The following NAALADL2 variants were observed in gnomAD, a reference collection of about 807,000 sequenced individuals.
NAALADL2 encodes inactive N-acetylated-alpha-linked acidic dipeptidase-like protein 2.
NAALADL2 carries 76 observed loss-of-function variants against 87.2 expected under a neutral mutation model. The observed-to-expected ratio is 0.87, with a 90% CI of 0.72 to 1.05. The LOEUF (loss-of-function observed/expected upper bound fraction) is 1.05, where lower values mean the gene tolerates loss of function less well. Ranked by LOEUF, NAALADL2 falls within the 50% of genes least tolerant of loss-of-function variation. The probability of loss-of-function intolerance (pLI) is 0.00; values close to 1 mark genes in which losing one functional copy is unlikely to be tolerated. For synonymous variants in NAALADL2, 354 were observed against 331.0 expected, an observed-to-expected ratio of 1.07 and a Z score of -0.75; for missense variants, 1,089 against 945.8, an observed-to-expected ratio of 1.15 and a Z score of -1.99.
intron 2 of NAALADL2, among the ~76,000 whole-genome samples, chr3:175,111,085 A>T (rs899336310): frequency 1.3e-5 from 2 of 151,726 alleles, no homozygotes; most frequent in African/African-American, 4.8e-5. Flanking sequence ...ACAACAGTGC[A>T]GTTGAGAAAT....
At chr3:174,797,991 C>T (rs1182949957) in intron 3 of NAALADL2, among the ~76,000 whole-genome samples, 1 of 151,234 alleles carries the variant, frequency 6.6e-6, no homozygotes, top group Non-Finnish European at 1.5e-5. Context: ...AGTTTTAGCT[C>T]TTACATTTAT....
At chr3:174,558,573 A>G (rs551287020) in intron 2 of NAALADL2, among the ~76,000 whole-genome samples, 3 of 152,164 alleles carry the variant, frequency 2.0e-5, no homozygotes, top group African/African-American at 7.2e-5. Context: ...TCACATGTGC[A>G]GTTCACAATA....
intron 1 of NAALADL2, among the ~76,000 whole-genome samples, chr3:174,936,037 A>G (rs1392602350): frequency 6.6e-6 from 1 of 152,110 alleles, no homozygotes. Flanking sequence ...ACAGAATGTT[A>G]TTGTAATTAA....
Position 174,878,425 on chromosome 3 carries a change from T to A in NAALADL2, c.43+18975T>A, listed in dbSNP as rs529801287. The stretch of plus-strand genomic sequence containing the variant: ...TATGGCCTAGCCAACTAGAACTACT[T>A]AAAACTGCGTGAGCAACTATGTTGC... On this transcript the variant is annotated intron_variant, in intron 1 of 13. Transcript: ENST00000454872. 6.6e-5 allele frequency among the ~76,000 whole-genome samples: 10 copies of A among 152,214 alleles called. No individual in the cohort carries two copies. The East Asian group carries it at 1.9e-3, about 29-fold the overall frequency.
At chr3:174,939,319 G>T (rs183717612) in intron 1 of NAALADL2, among the ~76,000 whole-genome samples, 1 of 151,992 alleles carries the variant, frequency 6.6e-6, no homozygotes, top group Admixed American at 6.6e-5. Flanking sequence ...GTGGTCATAG[G>T]TATGTGGCCT....
intron 3 of NAALADL2, among the ~76,000 whole-genome samples, chr3:174,852,092 A>T (rs1418661917): frequency 2.0e-5 from 3 of 152,096 alleles, no homozygotes; most frequent in Non-Finnish European, 4.4e-5. Flanking sequence ...ACTACCTTAC[A>T]AAACAGAACC....
intron 5 of NAALADL2, among the ~76,000 whole-genome samples, chr3:175,410,970 C>T (rs144553293): frequency 6.6e-6 from 1 of 152,136 alleles, no homozygotes; most frequent in African/African-American, 2.4e-5. Context: ...AATGTTATAG[C>T]GATCATATTT....
chr3:175,347,177 A>G (rs535833407), intron 5 of NAALADL2, among the ~76,000 whole-genome samples: 143 of 152,280 alleles, frequency 9.4e-4, no homozygotes, highest in African/African-American at 3.4e-3. Flanking sequence ...CTCAGCATTA[A>G]TTTTCAGTTT....
upstream of NAALADL2, among the ~76,000 whole-genome samples, chr3:174,857,673 G>GTATA (rs144829365): frequency 1.9e-3 from 282 of 151,620 alleles, no homozygotes; most frequent in African/African-American, 6.5e-3. Flanking sequence ...AGCATGGTGT[G>GTATA]TATATATATA....
At chr3:175,206,665 C>T (rs1194062482) in intron 2 of NAALADL2, among the ~76,000 whole-genome samples, 1 of 151,958 alleles carries the variant, frequency 6.6e-6, no homozygotes, top group African/African-American at 2.4e-5. Flanking sequence ...AAAGAACTTA[C>T]TCATGTAACC....
intron 5 of NAALADL2, among the ~76,000 whole-genome samples, chr3:175,427,740 C>A (rs1717058212): frequency 6.6e-6 from 1 of 152,054 alleles, no homozygotes; most frequent in African/African-American, 2.4e-5. Flanking sequence ...TTCCAATAGG[C>A]ATATTTTTAA....
rs146631117 is a variant in NAALADL2, at chr3:174,924,857, A to C, written c.43+65407A>C. 5.7e-3 allele frequency among the ~76,000 whole-genome samples: 872 copies of C among 152,312 alleles called. 63 individuals carry two copies. The East Asian group carries it at 0.14, about 24-fold the overall frequency. On this transcript the variant is annotated intron_variant, in intron 1 of 13. Coordinates refer to ENST00000454872, the MANE Select transcript of NAALADL2 (RefSeq NM_207015.3). The stretch of plus-strand genomic sequence containing the variant: ...AAGAGTCTGTTGGTCTGTTGGCTGC[A>C]CAAATGCCTTCTTTTGAGAAGTGTC...
chr3:175,067,528 A>G (rs971781507), intron 1 of NAALADL2, among the ~76,000 whole-genome samples: 2 of 152,192 alleles, frequency 1.3e-5, no homozygotes, highest in Non-Finnish European at 2.9e-5. Context: ...AATGTAAAAT[A>G]AAACCACAAT....
Position 175,218,053 on chromosome 3 carries a change from T to G in NAALADL2, c.546-15878T>G, listed in dbSNP as rs924197084. ...GAAAGTATTGCAGTGAATTTCAATG[T>G]TTTTTTTTGGCTAAATTTTTAGGAT... On this transcript the variant is annotated intron_variant, in intron 2 of 13. Coordinates refer to ENST00000454872, the MANE Select transcript of NAALADL2 (RefSeq NM_207015.3). 1.5e-4 allele frequency: 56 copies of G among 384,720 alleles called. 1 individual carries two copies. The highest frequency in any genetic ancestry group is 2.7e-4 in the South Asian group (14 of 51,586). The allele number at this position is 384,720 out of a possible 1,614,324, so 23.8% of individuals were successfully genotyped here.
chr3:174,470,206 T>A (rs1217215919), intron 1 of NAALADL2, among the ~76,000 whole-genome samples: 1 of 152,158 alleles, frequency 6.6e-6, no homozygotes, highest in African/African-American at 2.4e-5. Context: ...TGGTGTGAGA[T>A]GGTATCTCAT....
intron 1 of NAALADL2, among the ~76,000 whole-genome samples, chr3:174,521,194 A>T (rs1184088093): frequency 1.3e-5 from 2 of 152,192 alleles, no homozygotes; most frequent in African/African-American, 4.8e-5. Flanking sequence ...AAAAAAAGAC[A>T]CATGCTCTTG....
chr3:175,390,099 G>T (rs1768894288), intron 5 of NAALADL2, among the ~76,000 whole-genome samples: 1 of 151,812 alleles, frequency 6.6e-6, no homozygotes, highest in South Asian at 2.1e-4. Context: ...AAGAGCCAAG[G>T]TAATAAAAAT....
chr3:175,384,813 T>G (rs1768179047), intron 5 of NAALADL2, among the ~76,000 whole-genome samples: 1 of 151,790 alleles, frequency 6.6e-6, no homozygotes, highest in Non-Finnish European at 1.5e-5. Flanking sequence ...TTTTATTTTA[T>G]TACCAGTTTT....
At chr3:175,706,404 A>G (rs1419814812) in intron 11 of NAALADL2, among the ~76,000 whole-genome samples, 1 of 152,186 alleles carries the variant, frequency 6.6e-6, no homozygotes, top group Non-Finnish European at 1.5e-5. Flanking sequence ...ACGACAACTA[A>G]TAATTAAATA....
Sources: gnomAD v4.1 joint callset for allele counts (sites outside exome capture counted in the v4.1 genomes callset) on GRCh38, gnomAD v4.1.1 for gene constraint, MANE v1.5 for transcripts, NCBI Gene and HGNC (gene_info 2026-07-23, HGNC 2026-07-21) for gene names.